The following HNRNPA0 variants were observed in gnomAD, a reference collection of about 807,000 sequenced individuals.
HNRNPA0 encodes heterogeneous nuclear ribonucleoprotein A0, also known as hnRNA binding protein.
For synonymous variants in HNRNPA0, 243 were observed against 195.5 expected, an observed-to-expected ratio of 1.24 and a Z score of -2.03; for missense variants, 252 against 433.7, an observed-to-expected ratio of 0.58 and a Z score of 3.72.
In HNRNPA0 at chr5:137,752,997, C is replaced by G; in HGVS notation, c.*152G>C. 2.7e-6 allele frequency: 2 copies of G among 741,612 alleles called. No homozygotes were observed. Among genetic ancestry groups the G allele is most frequent in the Non-Finnish European group, 2.1e-6 (1 of 465,404 alleles). The allele number at this position is 741,612 out of a possible 1,614,324, so 45.9% of individuals were successfully genotyped here. On this transcript the variant is annotated 3_prime_UTR_variant, in exon 1 of 1. Coordinates refer to ENST00000314940, the MANE Select transcript of HNRNPA0 (RefSeq NM_006805.4). ...GAGGTGGCAGGCAAATAGAGGAACA[C>G]CCCCAAGGGTAAGCAGCCTTAGAAG...
rs1753498604 is a variant in HNRNPA0 at position 137,751,584 on chromosome 5, ATTCT to A, written c.*1561_*1564del. The stretch of plus-strand genomic sequence containing the variant: ...CTCACTCAATCATGTAAAGAATTGA[ATTCT>A]TTATTTGTGATATCCATAAACGTTG... On this transcript the variant is annotated 3_prime_UTR_variant, in exon 1 of 1. Transcript: ENST00000314940. 6.6e-6 allele frequency: 1 copy of A among 151,298 alleles called. No homozygotes were observed. Among genetic ancestry groups the A allele is most frequent in the Non-Finnish European group, 1.5e-5 (1 of 67,798 alleles). The allele number at this position is 151,298 out of a possible 1,614,324, so 9.4% of individuals were successfully genotyped here. A position where few individuals can be genotyped will look rare whatever the true frequency, so the allele number is the denominator to read the frequency against.
rs1342761708 is a variant in HNRNPA0 at position 137,749,264 on chromosome 5, G to A, written c.*3885C>T. ...TAAAAGAATTAAAGAGACAAAGAAA[G>A]CCTGCCTGAATAGAGAAGGAAACAG... On this transcript the variant is annotated 3_prime_UTR_variant, in exon 1 of 1. Coordinates refer to ENST00000314940, the MANE Select transcript of HNRNPA0 (RefSeq NM_006805.4). 1 of 152,136 alleles carries A rather than the reference G, an allele frequency of 6.6e-6. No individual in the cohort carries two copies. Among genetic ancestry groups the A allele is most frequent in the Admixed American group, 6.5e-5 (1 of 15,272 alleles). 9.4% of individuals were successfully genotyped at this position (152,136 alleles called of 1,614,324 possible).
In HNRNPA0 at chr5:137,752,836, CAAATT is replaced by C. The variant is rs1274273606; in HGVS notation, c.*308_*312del. ...ACTCCCTCCCTCCCCCCAAAAAACA[CAAATT>C]AAAACAAGACATTTTGCTAGTATAA... On this transcript the variant is annotated 3_prime_UTR_variant, in exon 1 of 1. Coordinates refer to ENST00000314940, the MANE Select transcript of HNRNPA0 (RefSeq NM_006805.4). 1.7e-5 allele frequency: 3 copies of C among 172,180 alleles called. No individual in the cohort carries two copies. Among genetic ancestry groups the C allele is most frequent in the African/African-American group, 8.1e-5 (3 of 36,982 alleles). The allele number at this position is 172,180 out of a possible 1,614,324, so 10.7% of individuals were successfully genotyped here.
chr5:137,749,902 G>A lies in HNRNPA0; in HGVS notation c.*3247C>T, dbSNP rs1406305042. ...GAAATCATAAATGCAAATTTCTCAA[G>A]TATCCTCAATCTTTTAGGTTTACTT... On this transcript the variant is annotated 3_prime_UTR_variant, in exon 1 of 1. Transcript: ENST00000314940. 7.2e-5 allele frequency: 11 copies of A among 152,150 alleles called. No homozygotes were observed. Among genetic ancestry groups the A allele is most frequent in the Non-Finnish European group, 1.5e-5 (1 of 67,996 alleles). The allele number at this position is 152,150 out of a possible 1,614,324, so 9.4% of individuals were successfully genotyped here.
Position 137,753,417 on chromosome 5 carries a change from T to A in HNRNPA0, c.650A>T (p.Tyr217Phe), listed in dbSNP as rs1256836820. 1.1e-5 allele frequency: 17 copies of A among 1,547,326 alleles called. No homozygotes were observed. Among genetic ancestry groups the A allele is most frequent in the Middle Eastern group, 3.4e-4 (2 of 5,836 alleles). Reference sequence around the variant, plus strand: ...GCCGCCGTAACCACCGTAGCTGTTGTAACCGCCGCCGCCGCCCTTGGAAAG... The same window carrying A: ...GCCGCCGTAACCACCGTAGCTGTTGAAACCGCCGCCGCCGCCCTTGGAAAG... Reference protein sequence around the residue: ...NGLSKGGGGGYNSYGGYGGGG... With the variant: ...NGLSKGGGGGFNSYGGYGGGG... The change falls in exon 1 of 1, where the codon TAC becomes TTC. Residue 217 changes from tyrosine to phenylalanine, a missense_variant. Coordinates refer to ENST00000314940, the MANE Select transcript of HNRNPA0 (RefSeq NM_006805.4). The surrounding 1 kb of genome is among the most constrained non-coding windows in gnomAD (Gnocchi z 6.1).
In HNRNPA0 at chr5:137,753,555, T is replaced by C; in HGVS notation, c.512A>G (p.Lys171Arg). 1 of 1,613,230 alleles carries C rather than the reference T, an allele frequency of 6.2e-7. No individual in the cohort carries two copies. The highest frequency in any genetic ancestry group is 8.5e-7 in the Non-Finnish European group (1 of 1,179,344). The change falls in exon 1 of 1, where the codon AAG (lysine) becomes AGG (arginine). Residue 171 changes from lysine (K) to arginine (R), a missense_variant. Transcript: ENST00000314940. The surrounding 1 kb of genome is among the most constrained non-coding windows in gnomAD (Gnocchi z 6.1). ...GATATCCTCCTTGGGGACTGCTTTC[T>C]TCACCTCCACGCGATGGCCCTGAAT... is the stretch of plus-strand genomic sequence containing the variant. ...HPIQGHRVEV[K>R]KAVPKEDIYS...
At position 137,751,639 on chromosome 5, in the gene HNRNPA0, G is replaced by A. The variant is rs1753499558; in HGVS notation, c.*1510C>T. On this transcript the variant is annotated 3_prime_UTR_variant, in exon 1 of 1. Coordinates refer to ENST00000314940, the MANE Select transcript of HNRNPA0 (RefSeq NM_006805.4). ...CTATTCTCTATTTCTATCCAGAAAG[G>A]CAATTTTCACCTATTATCACTTTTG... The A allele has an allele frequency of 6.6e-6, 1 of 152,088 alleles. No individual in the cohort carries two copies. Among genetic ancestry groups the A allele is most frequent in the South Asian group, 2.1e-4 (1 of 4,794 alleles). 9.4% of individuals were successfully genotyped at this position (152,088 alleles called of 1,614,324 possible). A position where few individuals can be genotyped will look rare whatever the true frequency, so the allele number is the denominator to read the frequency against.
Position 137,747,360 on chromosome 5 carries a change from A to G in HNRNPA0, c.*5789T>C, listed in dbSNP as rs1217918314. ...ATAGATCAGGAAGGGCAAAAAGAAT[A>G]TCCAGCACAATGGCCATTTTGTAAA... On this transcript the variant is annotated 3_prime_UTR_variant, in exon 1 of 1. Transcript: ENST00000314940. 6.6e-6 allele frequency: 1 copy of G among 152,218 alleles called. No individual in the cohort carries two copies. The highest frequency in any genetic ancestry group is 1.9e-4 in the East Asian group (1 of 5,200). The allele number at this position is 152,218 out of a possible 1,614,324, so 9.4% of individuals were successfully genotyped here. A position where few individuals can be genotyped will look rare whatever the true frequency, so the allele number is the denominator to read the frequency against.
Position 137,745,923 on chromosome 5 carries a change from G to A in HNRNPA0, c.*7226C>T, listed in dbSNP as rs1753403585. 6.6e-6 allele frequency: 1 copy of A among 152,234 alleles called. No individual in the cohort carries two copies. Among genetic ancestry groups the A allele is most frequent in the Admixed American group, 6.5e-5 (1 of 15,272 alleles). The allele number at this position is 152,234 out of a possible 1,614,324, so 9.4% of individuals were successfully genotyped here. ...ATTCCATACTCCCAGAAGGAAAGCA[G>A]GTGTTTAGCATAAATCATCTTGTTT... is the stretch of plus-strand genomic sequence containing the variant. On this transcript the variant is annotated 3_prime_UTR_variant, in exon 1 of 1. Coordinates refer to ENST00000314940, the MANE Select transcript of HNRNPA0 (RefSeq NM_006805.4).
rs936116969 is a variant in HNRNPA0 at position 137,747,253 on chromosome 5, G to A, written c.*5896C>T. ...TTCTATCACTGTCCAAACCCACCAT[G>A]AATAAAGCCAGAAAAGAGAGTATGC... is the stretch of plus-strand genomic sequence containing the variant. On this transcript the variant is annotated 3_prime_UTR_variant, in exon 1 of 1. Coordinates refer to ENST00000314940, the MANE Select transcript of HNRNPA0 (RefSeq NM_006805.4). 1.3e-5 allele frequency: 2 copies of A among 152,126 alleles called. No homozygotes were observed. Among genetic ancestry groups the A allele is most frequent in the African/African-American group, 2.4e-5 (1 of 41,416 alleles). The allele number at this position is 152,126 out of a possible 1,614,324, so 9.4% of individuals were successfully genotyped here.
rs932771103 is a variant in HNRNPA0 at position 137,750,494 on chromosome 5, T to C, written c.*2655A>G. On this transcript the variant is annotated 3_prime_UTR_variant, in exon 1 of 1. Coordinates refer to ENST00000314940, the MANE Select transcript of HNRNPA0 (RefSeq NM_006805.4). ...TAATCCGTCAAAATACATTCAAGCA[T>C]GGCACAAAAATTATATTCAACACTA... The C allele has an allele frequency of 2.6e-5, 4 of 152,164 alleles. No individual in the cohort carries two copies. Among genetic ancestry groups the C allele is most frequent in the African/African-American group, 9.6e-5 (4 of 41,462 alleles). 9.4% of individuals were successfully genotyped at this position (152,164 alleles called of 1,614,324 possible). A position where few individuals can be genotyped will look rare whatever the true frequency, so the allele number is the denominator to read the frequency against.
rs1328937048 is a variant in HNRNPA0, at chr5:137,747,065, T to A, written c.*6084A>T. 2.0e-5 allele frequency: 3 copies of A among 152,052 alleles called. No individual in the cohort carries two copies. The highest frequency in any genetic ancestry group is 1.3e-4 in the Admixed American group (2 of 15,266). The allele number at this position is 152,052 out of a possible 1,614,324, so 9.4% of individuals were successfully genotyped here. ...GCACAGTTAAGGCAAATCAACAAGG[T>A]TTGAACCTTCTTGGGACTAGAGAAT... On this transcript the variant is annotated 3_prime_UTR_variant, in exon 1 of 1. Coordinates refer to ENST00000314940, the MANE Select transcript of HNRNPA0 (RefSeq NM_006805.4).
rs1753550201 is a variant in HNRNPA0 at position 137,753,544 on chromosome 5, G to A, written c.523C>T (p.Pro175Ser). 1 of 1,612,736 alleles carries A rather than the reference G, an allele frequency of 6.2e-7. No individual in the cohort carries two copies. The highest frequency in any genetic ancestry group is 8.5e-7 in the Non-Finnish European group (1 of 1,179,174). Residue 175 changes from proline (P) to serine (S), a missense_variant, in exon 1 of 1, where the codon CCC becomes TCC. Pro to Ser is a moderately conservative substitution (Grantham distance 74). Coordinates refer to ENST00000314940, the MANE Select transcript of HNRNPA0 (RefSeq NM_006805.4). The surrounding 1 kb of genome is among the most constrained non-coding windows in gnomAD (Gnocchi z 6.1). ...GHRVEVKKAVPKEDIYSGGGG... is the reference protein window; with the variant it reads ...GHRVEVKKAVSKEDIYSGGGG... ...CCACCGGAGTAGATATCCTCCTTGGGGACTGCTTTCTTCACCTCCACGCGA... is the reference window on the plus strand; with the variant it reads ...CCACCGGAGTAGATATCCTCCTTGGAGACTGCTTTCTTCACCTCCACGCGA...
At position 137,747,231 on chromosome 5, in the gene HNRNPA0, T is replaced by G. The variant is rs1753421207; in HGVS notation, c.*5918A>C. 6.6e-6 allele frequency: 1 copy of G among 152,196 alleles called. No homozygotes were observed. Among genetic ancestry groups the G allele is most frequent in the Non-Finnish European group, 1.5e-5 (1 of 68,030 alleles). The allele number at this position is 152,196 out of a possible 1,614,324, so 9.4% of individuals were successfully genotyped here. A position where few individuals can be genotyped will look rare whatever the true frequency, so the allele number is the denominator to read the frequency against. Reference sequence around the variant, plus strand: ...AGCAAATATTTCAGCCTCACTTTTCTATCACTGTCCAAACCCACCATGAAT... The same window carrying G: ...AGCAAATATTTCAGCCTCACTTTTCGATCACTGTCCAAACCCACCATGAAT... On this transcript the variant is annotated 3_prime_UTR_variant, in exon 1 of 1. Coordinates refer to ENST00000314940, the MANE Select transcript of HNRNPA0 (RefSeq NM_006805.4).
chr5:137,753,156 G>C lies in HNRNPA0; in HGVS notation c.911C>G (p.Ser304Cys). Reference protein sequence around the residue: ...YGGGGGYGGSSF With the variant: ...YGGGGGYGGSCF The stretch of plus-strand genomic sequence containing the variant: ...GGCATTTTAAATTTTCTTTTAGAAG[G>C]AGCTGCCTCCATAGCCACCCCCACC... Residue 304 changes from serine to cysteine, a missense_variant, in exon 1 of 1, where the codon TCC (serine) becomes TGC (cysteine). Transcript: ENST00000314940. The surrounding 1 kb of genome is among the most constrained non-coding windows in gnomAD (Gnocchi z 6.1). 6.2e-7 allele frequency: 1 copy of C among 1,612,442 alleles called. No individual in the cohort carries two copies. The highest frequency in any genetic ancestry group is 1.3e-5 in the African/African-American group (1 of 74,948).
Position 137,750,323 on chromosome 5 carries a change from G to C in HNRNPA0, c.*2826C>G, listed in dbSNP as rs1475342823. On this transcript the variant is annotated 3_prime_UTR_variant, in exon 1 of 1. Transcript: ENST00000314940. ...AACACTTCTGGGCCCAAGAATTTCA[G>C]ATAAGGAATACTCAACCTGTATCAT... 1 of 152,098 alleles carries C rather than the reference G, an allele frequency of 6.6e-6. No individual in the cohort carries two copies. The highest frequency in any genetic ancestry group is 1.5e-5 in the Non-Finnish European group (1 of 68,006). 9.4% of individuals were successfully genotyped at this position (152,098 alleles called of 1,614,324 possible).
Position 137,753,370 on chromosome 5 carries a change from C to G in HNRNPA0, c.697G>C (p.Ala233Pro). 4 of 1,547,990 alleles carry G rather than the reference C, an allele frequency of 2.6e-6. No individual in the cohort carries two copies. The highest frequency in any genetic ancestry group is 3.5e-6 in the Non-Finnish European group (4 of 1,146,090). Residue 233 changes from alanine to proline, a missense_variant, in exon 1 of 1, where the codon GCC (alanine) becomes CCC (proline). By Grantham distance (27) the Ala-to-Pro change is conservative (BLOSUM62 -1). Coordinates refer to ENST00000314940, the MANE Select transcript of HNRNPA0 (RefSeq NM_006805.4). This position sits in a 1 kb window ranked among gnomAD's most constrained non-coding sequence, Gnocchi z 6.1. ...YGGGGGGGYN[A>P]YGGGGGGSSY... The stretch of plus-strand genomic sequence containing the variant: ...GAACCGCCGCCGCCGCCTCCGTAGG[C>G]ATTGTAGCCGCCGCCTCCGCCGCCG...
chr5:137,752,899 T>G lies in HNRNPA0; in HGVS notation c.*250A>C. On this transcript the variant is annotated 3_prime_UTR_variant, in exon 1 of 1. Coordinates refer to ENST00000314940, the MANE Select transcript of HNRNPA0 (RefSeq NM_006805.4). ...CAAGGTCCAAGTAATAATAAAAAAA[T>G]AGAGTCCATCAATGACTGTAACACA... 2.5e-6 allele frequency: 1 copy of G among 404,470 alleles called. No homozygotes were observed. Among genetic ancestry groups the G allele is most frequent in the East Asian group, 3.6e-5 (1 of 27,924 alleles). The allele number at this position is 404,470 out of a possible 1,614,324, so 25.1% of individuals were successfully genotyped here. A position where few individuals can be genotyped will look rare whatever the true frequency, so the allele number is the denominator to read the frequency against.
At position 137,750,878 on chromosome 5, in the gene HNRNPA0, G is replaced by T. The variant is rs1561628863; in HGVS notation, c.*2271C>A. The stretch of plus-strand genomic sequence containing the variant: ...AATAATATGACAACCTTATTAAACT[G>T]AAAACCCTGAGAAAGGTGTACTATT... On this transcript the variant is annotated 3_prime_UTR_variant, in exon 1 of 1. Transcript: ENST00000314940. The T allele has an allele frequency of 2.0e-5, 3 of 152,062 alleles. No individual in the cohort carries two copies. In the South Asian group the frequency reaches 6.2e-4, roughly 32 times the overall value. The allele number at this position is 152,062 out of a possible 1,614,324, so 9.4% of individuals were successfully genotyped here.
Sources: allele counts gnomAD v4.1 joint callset, GRCh38; gene constraint gnomAD v4.1.1; non-coding constraint Gnocchi (gnomAD v3.1); transcripts MANE v1.5; gene names NCBI Gene and HGNC (gene_info 2026-07-23, HGNC 2026-07-21).